The following ERICH6 variants were observed in gnomAD, a reference collection of about 807,000 sequenced individuals.
ERICH6 encodes glutamate-rich protein 6.
A neutral mutation model predicts 71.0 loss-of-function variants in ERICH6; 71 were observed. The observed-to-expected ratio is 1.00, with a 90% CI of 0.83 to 1.22. ERICH6 has a LOEUF of 1.22. Among genes scored for constraint, ERICH6 ranks in the 50% most tolerant of loss-of-function variants. ERICH6 has a pLI of 0.00. For synonymous variants in ERICH6, 262 were observed against 278.4 expected (o/e 0.94, Z 0.59); for missense variants, 808 against 797.2 (o/e 1.01, Z -0.16).
intron 4 of ERICH6, 80 bp from the exon 5 acceptor site, chr3:150,686,101 C>A: frequency 7.8e-7 from 1 of 1,280,788 alleles, no homozygotes. Flanking sequence ...TGGAGATTCA[C>A]ACCCACCATC....
intron 3 of ERICH6, 30 bp from the exon 4 acceptor site, chr3:150,686,384 T>C (rs764440496): frequency 6.3e-7 from 1 of 1,596,914 alleles, no homozygotes; most frequent in Non-Finnish European, 8.6e-7. Flanking sequence ...GTGTCATCAA[T>C]CTGACAAAGT....
At chr3:150,702,574 C>A (rs1311349581) in intron 1 of ERICH6, among the ~76,000 whole-genome samples, 1 of 152,164 alleles carries the variant, frequency 6.6e-6, no homozygotes, top group Non-Finnish European at 1.5e-5. Context: ...CCGCGCCCGG[C>A]CTGGAGACAT....
At chr3:150,680,596 TCTA>T in intron 8 of ERICH6, 58 bp from the exon 9 acceptor site, 1 of 1,599,956 alleles carries the variant, frequency 6.3e-7, no homozygotes, top group Non-Finnish European at 8.6e-7. Context: ...CTTAAAACAG[TCTA>T]CTACAAAATT....
intron 3 of ERICH6, among the ~76,000 whole-genome samples, chr3:150,695,777 C>CTATATA (rs145221153): frequency 0.05 from 7,452 of 147,830 alleles, 230 homozygotes; most frequent in Non-Finnish European, 0.071. Context: ...ATAGTATATA[C>CTATATA]TATATATATA....
At chr3:150,683,459 G>C (rs910110417) in intron 6 of ERICH6, among the ~76,000 whole-genome samples, 9 of 152,140 alleles carry the variant, frequency 5.9e-5, no homozygotes, top group African/African-American at 2.2e-4. Flanking sequence ...GCAAGATGGA[G>C]ATACTTCAAA....
chr3:150,671,957 A>T (rs1711504781), intron 11 of ERICH6, among the ~76,000 whole-genome samples: 1 of 152,188 alleles, frequency 6.6e-6, no homozygotes, highest in Non-Finnish European at 1.5e-5. Flanking sequence ...AATTCAAGAA[A>T]ATAAGTGGTA....
intron 13 of ERICH6, among the ~76,000 whole-genome samples, chr3:150,663,660 T>C (rs947979781): frequency 1.3e-5 from 2 of 152,100 alleles, no homozygotes; most frequent in African/African-American, 4.8e-5. Flanking sequence ...ACGACTTTCA[T>C]AGAGATCGGG....
chr3:150,680,083 G>C (rs557867678), intron 9 of ERICH6, among the ~76,000 whole-genome samples: 1 of 152,334 alleles, frequency 6.6e-6, no homozygotes, highest in South Asian at 2.1e-4. Context: ...TGCTCTGTAG[G>C]TGTTGCTAAT....
chr3:150,678,544 G>A lies in ERICH6; in HGVS notation c.1122C>T (p.Arg374=), dbSNP rs775880816. 6.3e-7 allele frequency: 1 copy of A among 1,596,924 alleles called. No homozygotes were observed. The highest frequency in any genetic ancestry group is 8.5e-7 in the Non-Finnish European group (1 of 1,175,678). Residue 374 remains arginine (R), a synonymous_variant, in exon 10 of 14, where the codon CGC becomes CGT. Transcript: ENST00000295910. The part of the protein sequence containing the change: ...QTHFSEDDSK[R]LKTISYQLSV... ...AAAGTTGATAAGAAATTGTTTTTAAGCGCTTTGAATCTAGTGGGAAAAGAA... is the reference window on the plus strand; with the variant it reads ...AAAGTTGATAAGAAATTGTTTTTAAACGCTTTGAATCTAGTGGGAAAAGAA...
intron 3 of ERICH6, among the ~76,000 whole-genome samples, chr3:150,695,035 C>T (rs1282168929): frequency 6.6e-6 from 1 of 152,176 alleles, no homozygotes; most frequent in Non-Finnish European, 1.5e-5. Context: ...GCACTAATCC[C>T]ATTCATGACA....
At chr3:150,690,025 A>AT (rs529138209) in intron 3 of ERICH6, among the ~76,000 whole-genome samples, 1 of 151,834 alleles carries the variant, frequency 6.6e-6, no homozygotes, top group South Asian at 2.1e-4. Flanking sequence ...TTTAAAAAAA[A>AT]TTTTTTTTTA....
intron 6 of ERICH6, 150 bp from the exon 7 acceptor site, chr3:150,682,466 G>C: frequency 1.6e-6 from 1 of 609,576 alleles, no homozygotes; most frequent in East Asian, 2.8e-5. Flanking sequence ...TTCCATTTAA[G>C]GGCTGGTGAG....
chr3:150,665,834 A>AG (rs1228834034), intron 13 of ERICH6, among the ~76,000 whole-genome samples: 2 of 151,972 alleles, frequency 1.3e-5, no homozygotes, highest in African/African-American at 4.8e-5. Flanking sequence ...TCTCAAAAAA[A>AG]AAAAAAAAAA....
At chr3:150,674,251 C>G (rs899963908) in intron 10 of ERICH6, among the ~76,000 whole-genome samples, 9 of 151,942 alleles carry the variant, frequency 5.9e-5, no homozygotes, top group African/African-American at 1.7e-4. Flanking sequence ...AAAAATCCTT[C>G]TGGTAGAAAT....
chr3:150,678,991 G>T (rs1440811074), intron 9 of ERICH6, among the ~76,000 whole-genome samples: 1 of 139,526 alleles, frequency 7.2e-6, no homozygotes, highest in Non-Finnish European at 1.5e-5. Context: ...AGCCAAGATT[G>T]TGCCACTGCA....
In ERICH6 at chr3:150,672,264, C is replaced by CATATATATATATATGTATATATATATAT. The variant is rs1553752940; in HGVS notation, c.1343+1691_1343+1692insATATATATATATACATATATATATATAT. ...TAAACAAAGAATCCATTTATATATA[C>CATATATATATATATGTATATATATATAT]ATATATATATATATGCTCATACACA... is the stretch of plus-strand genomic sequence containing the variant. On this transcript the variant is annotated intron_variant, in intron 11 of 13. Transcript: ENST00000295910. Among the ~76,000 whole-genome samples, 317 of 123,632 alleles carry CATATATATATATATGTATATATATATAT rather than the reference C, an allele frequency of 2.6e-3. 15 individuals carry two copies. Among genetic ancestry groups the CATATATATATATATGTATATATATATAT allele is most frequent in the Non-Finnish European group, 4.1e-3 (249 of 60,138 alleles). The allele number at this position is 123,632 out of a possible 152,430, so 81.1% of individuals were successfully genotyped here. A position where few individuals can be genotyped will look rare whatever the true frequency, so the allele number is the denominator to read the frequency against.
In ERICH6 at chr3:150,680,946, G is replaced by T. The variant is rs780520946; in HGVS notation, c.883-16C>A. The stretch of plus-strand genomic sequence containing the variant: ...AACAGGAGGCCTGGAAAACACAGAA[G>T]TTACTCTCATCTCATTAGTCCTAGA... On this transcript the variant is annotated splice_polypyrimidine_tract_variant and intron_variant, in intron 7 of 13. Coordinates refer to ENST00000295910, the MANE Select transcript of ERICH6 (RefSeq NM_152394.5). 6.9e-6 allele frequency: 11 copies of T among 1,598,834 alleles called. No homozygotes were observed. The highest frequency in any genetic ancestry group is 1.7e-4 in the Middle Eastern group (1 of 5,926).
At chr3:150,672,543 A>C (rs537275207) in intron 11 of ERICH6, among the ~76,000 whole-genome samples, 18 of 152,054 alleles carry the variant, frequency 1.2e-4, no homozygotes, top group African/African-American at 4.1e-4. Context: ...GGTTGCAGTG[A>C]GCCAAGATCC....
chr3:150,697,652 T>C (rs898130680), intron 3 of ERICH6, among the ~76,000 whole-genome samples: 6 of 152,234 alleles, frequency 3.9e-5, no homozygotes, highest in Non-Finnish European at 8.8e-5. Flanking sequence ...GTTTTTCTTC[T>C]ACATCACTGG....
Sources: allele counts gnomAD v4.1 joint callset (sites outside exome capture counted in the v4.1 genomes callset), GRCh38; gene constraint gnomAD v4.1.1; transcripts MANE v1.5; gene names NCBI Gene and HGNC (gene_info 2026-07-23, HGNC 2026-07-21).